The following KCNAB1 variants were observed in gnomAD, a reference collection of about 807,000 sequenced individuals.
The protein encoded by KCNAB1 is potassium voltage-gated channel subfamily A regulatory beta subunit 1, also known as voltage-gated potassium channel subunit beta-1.
KCNAB1 carries 35 observed loss-of-function variants against 64.6 expected under a neutral mutation model. The observed-to-expected ratio is 0.54, with a 90% CI of 0.41 to 0.72. The LOEUF is 0.72. Among genes scored for constraint, KCNAB1 ranks in the 30% least tolerant of loss-of-function variants. The probability of loss-of-function intolerance (pLI) is 0.00; values close to 1 mark genes in which losing one functional copy is unlikely to be tolerated. For synonymous variants in KCNAB1, 177 were observed against 183.8 expected, an observed-to-expected ratio of 0.96 and a Z score of 0.30; for missense variants, 401 against 512.9, an observed-to-expected ratio of 0.78 and a Z score of 2.11.
At chr3:156,201,734 G>A (rs1714342767) in intron 1 of KCNAB1, among the ~76,000 whole-genome samples, 2 of 152,206 alleles carry the variant, frequency 1.3e-5, no homozygotes, top group Non-Finnish European at 1.5e-5. Flanking sequence ...GGTGGAGAAG[G>A]GAAGGCAAGG....
intron 2 of KCNAB1, among the ~76,000 whole-genome samples, chr3:156,427,937 A>G (rs886948109): frequency 1.3e-5 from 2 of 152,158 alleles, no homozygotes; most frequent in African/African-American, 4.8e-5. Flanking sequence ...GAGGTAACAC[A>G]CCACAATGTC....
At chr3:156,145,409 T>A (rs1714979659) in intron 1 of KCNAB1, among the ~76,000 whole-genome samples, 1 of 152,110 alleles carries the variant, frequency 6.6e-6, no homozygotes, top group African/African-American at 2.4e-5. Flanking sequence ...TTTAAGACAT[T>A]CTCCTGCAAC....
At chr3:156,266,255 T>G (rs1017982465) in intron 1 of KCNAB1, among the ~76,000 whole-genome samples, 1 of 152,124 alleles carries the variant, frequency 6.6e-6, no homozygotes, top group Non-Finnish European at 1.5e-5. Context: ...TTTCTCTCCT[T>G]CATTACTATA....
At chr3:156,268,686 A>G (rs1001639444) in intron 1 of KCNAB1, among the ~76,000 whole-genome samples, 3 of 152,088 alleles carry the variant, frequency 2.0e-5, no homozygotes, top group African/African-American at 7.2e-5. Context: ...AGAATCAGAT[A>G]TTTTGTCCAT....
At chr3:156,157,833 A>G (rs1387399165) in intron 1 of KCNAB1, among the ~76,000 whole-genome samples, 1 of 152,160 alleles carries the variant, frequency 6.6e-6, no homozygotes, top group Non-Finnish European at 1.5e-5. Flanking sequence ...TTTAGGCATT[A>G]GAAAGGTGGA....
At chr3:156,389,225 C>T (rs149273309) in intron 1 of KCNAB1, among the ~76,000 whole-genome samples, 2,024 of 152,264 alleles carry the variant, frequency 0.013, 17 homozygotes, top group South Asian at 0.032. Context: ...ACAAATGCAG[C>T]CAGCCCAGGC....
At chr3:156,220,697 C>T (rs921190086) in intron 1 of KCNAB1, among the ~76,000 whole-genome samples, 6 of 152,120 alleles carry the variant, frequency 3.9e-5, no homozygotes, top group Non-Finnish European at 8.8e-5. Context: ...GTTTCTTTTG[C>T]TGTGCAGAAG....
chr3:156,222,660 A>G (rs1576620389), intron 1 of KCNAB1, among the ~76,000 whole-genome samples: 1 of 152,240 alleles, frequency 6.6e-6, no homozygotes, highest in East Asian at 1.9e-4. Flanking sequence ...ACATTCTCCA[A>G]GATAGATAAT....
intron 2 of KCNAB1, among the ~76,000 whole-genome samples, chr3:156,426,189 C>A (rs746865368): frequency 3.3e-5 from 5 of 152,148 alleles, no homozygotes; most frequent in African/African-American, 7.2e-5. Flanking sequence ...CAGGTCTCAA[C>A]AAACACTTCA....
chr3:156,194,511 G>A (rs1226658319), intron 1 of KCNAB1, among the ~76,000 whole-genome samples: 2 of 151,334 alleles, frequency 1.3e-5, no homozygotes, highest in East Asian at 3.9e-4. Context: ...TTTCTTTTTG[G>A]CACTTATTTC....
intron 1 of KCNAB1, among the ~76,000 whole-genome samples, chr3:156,224,786 T>A (rs1171194786): frequency 6.6e-6 from 1 of 152,186 alleles, no homozygotes; most frequent in Non-Finnish European, 1.5e-5. Context: ...TCAAGGCTGC[T>A]ATGAACACCT....
At chr3:156,183,423 C>T (rs1369531090) in intron 1 of KCNAB1, among the ~76,000 whole-genome samples, 2 of 152,204 alleles carry the variant, frequency 1.3e-5, no homozygotes, top group African/African-American at 4.8e-5. Flanking sequence ...GTCACATTCA[C>T]TGGAGGACTT....
chr3:156,472,423 C>T (rs1398176977), intron 7 of KCNAB1, among the ~76,000 whole-genome samples: 1 of 152,192 alleles, frequency 6.6e-6, no homozygotes, highest in Non-Finnish European at 1.5e-5. Flanking sequence ...CTCCTCCTCA[C>T]TCGACCCTCC....
At chr3:156,308,739 G>A (rs1478498257) in intron 1 of KCNAB1, among the ~76,000 whole-genome samples, 2 of 152,188 alleles carry the variant, frequency 1.3e-5, no homozygotes, top group Admixed American at 6.5e-5. Flanking sequence ...TTGAATGGAA[G>A]GCTTTGCACA....
chr3:156,368,604 T>G (rs973350147), intron 1 of KCNAB1, among the ~76,000 whole-genome samples: 1 of 152,172 alleles, frequency 6.6e-6, no homozygotes, highest in African/African-American at 2.4e-5. Flanking sequence ...AAAGCTTGCC[T>G]TGGAATAGCA....
intron 9 of KCNAB1, among the ~76,000 whole-genome samples, chr3:156,514,744 T>C (rs1717442771): frequency 6.6e-6 from 1 of 152,276 alleles, no homozygotes; most frequent in Non-Finnish European, 1.5e-5. Context: ...TTAACTATAC[T>C]GTTTATACCA....
At chr3:156,151,461 G>A (rs1399685859) in intron 1 of KCNAB1, among the ~76,000 whole-genome samples, 1 of 152,098 alleles carries the variant, frequency 6.6e-6, no homozygotes, top group Admixed American at 6.5e-5. Context: ...AGTACTTAAG[G>A]CCAGAACTAT....
intron 1 of KCNAB1, among the ~76,000 whole-genome samples, chr3:156,381,742 A>G (rs1485409120): frequency 3.3e-5 from 5 of 152,204 alleles, no homozygotes; most frequent in East Asian, 1.9e-4. Flanking sequence ...CTAACACACT[A>G]CTACTACCTA....
intron 1 of KCNAB1, among the ~76,000 whole-genome samples, chr3:156,341,191 T>C (rs1446369009): frequency 2.0e-5 from 3 of 152,236 alleles, no homozygotes; most frequent in African/African-American, 4.8e-5. Context: ...TAGATATAGA[T>C]ATTAGATTCT....
Sources: allele counts gnomAD v4.1 joint callset (sites outside exome capture counted in the v4.1 genomes callset), GRCh38; gene constraint gnomAD v4.1.1; transcripts MANE v1.5; gene names NCBI Gene and HGNC (gene_info 2026-07-23, HGNC 2026-07-21).